DPY19L1: variants seen among roughly 807,000 people sequenced by gnomAD.
DPY19L1 encodes the protein dpy-19 like C-mannosyltransferase 1, also known as protein C-mannosyl-transferase DPY19L1.
Under a neutral mutation model 96.9 loss-of-function variants are expected in DPY19L1, and 35 were observed. The observed-to-expected ratio is 0.36, with a 90% CI of 0.28 to 0.48. The LOEUF (loss-of-function observed/expected upper bound fraction) is 0.48, where lower values mean the gene tolerates loss of function less well. Among genes scored for constraint, DPY19L1 ranks in the 20% least tolerant of loss-of-function variants. DPY19L1 has a pLI of 0.99. For synonymous variants in DPY19L1, 205 were observed against 252.6 expected (o/e 0.81, Z 1.79); for missense variants, 521 against 777.9 (o/e 0.67, Z 3.93).
chr7:35,004,059 C>G (rs879338065), intron 6 of DPY19L1, among the ~76,000 whole-genome samples: 1 of 152,212 alleles, frequency 6.6e-6, no homozygotes, highest in African/African-American at 2.4e-5. Flanking sequence ...GAACCATAAA[C>G]TACAGGAGCC....
At chr7:34,974,904 C>T (rs1230658632) in intron 7 of DPY19L1, among the ~76,000 whole-genome samples, 1 of 152,110 alleles carries the variant, frequency 6.6e-6, no homozygotes, top group Non-Finnish European at 1.5e-5. Context: ...CTACGGTGAT[C>T]TGTGATCAGT....
intron 5 of DPY19L1, 93 bp from the exon 6 acceptor site, chr7:35,010,654 A>T (rs1342250074): frequency 2.4e-5 from 21 of 876,988 alleles, no homozygotes; most frequent in Non-Finnish European, 3.4e-5. Flanking sequence ...TCATTTTGAA[A>T]ATGGTTGCCA....
intron 6 of DPY19L1, among the ~76,000 whole-genome samples, chr7:34,991,001 A>G (rs1785154614): frequency 6.6e-6 from 1 of 152,214 alleles, no homozygotes; most frequent in Admixed American, 6.5e-5. Flanking sequence ...CCATGTAGGG[A>G]GTATCCAGAA....
At chr7:35,022,138 G>A (rs1431594428) in intron 1 of DPY19L1, among the ~76,000 whole-genome samples, 1 of 152,026 alleles carries the variant, frequency 6.6e-6, no homozygotes, top group African/African-American at 2.4e-5. Context: ...TTATTCCAGT[G>A]TTTATCGACG....
At chr7:34,973,837 G>A (rs328890) in intron 7 of DPY19L1, among the ~76,000 whole-genome samples, 71,180 of 151,836 alleles carry the variant, frequency 0.47, 17,170 homozygotes, top group Admixed American at 0.61. Flanking sequence ...TGAATTGTCA[G>A]GAAGAAAATA....
intron 20 of DPY19L1, chr7:34,938,939 A>G (rs1043545963): frequency 2.2e-5 from 4 of 181,112 alleles, no homozygotes; most frequent in African/African-American, 9.4e-5. Context: ...GAAAACCTTA[A>G]TAAACACTCT....
rs1063285 is a variant in DPY19L1, at chr7:34,940,283, C to A, written c.1734G>T (p.Val578=). The change falls in exon 19 of 22, where the codon GTG becomes GTT. Residue 578 remains valine, a synonymous_variant. Coordinates refer to ENST00000638088, the MANE Select transcript of DPY19L1 (RefSeq NM_001366673.1). Reference sequence around the variant, plus strand: ...TTGACATTGCTGCTAATATAGCAAACACAATAGCACCAGGATGTACTTTGC... The same window carrying A: ...TTGACATTGCTGCTAATATAGCAAAAACAATAGCACCAGGATGTACTTTGC... ...LFCKVHPGAI[V]FAILAAMSIQ... The A allele has an allele frequency of 6.2e-7, 1 of 1,611,080 alleles. No individual in the cohort carries two copies. The highest frequency in any genetic ancestry group is 8.5e-7 in the Non-Finnish European group (1 of 1,179,606).
Position 35,011,426 on chromosome 7 carries a change from T to G in DPY19L1, c.574A>C (p.Ile192Leu). ...ATCAAGTCCATTATTTTGGTATAAA[T>G]CCGGTACCAACTGGCCAAAATTACC... ...PEVILASWYR[I>L]YTKIMDLIGI... The change falls in exon 5 of 22, where the codon ATT becomes CTT. Residue 192 changes from isoleucine (I) to leucine (L), a missense_variant. Physicochemically the swap from Ile to Leu is conservative, Grantham distance 5. Transcript: ENST00000638088. 2 of 1,610,898 alleles carry G rather than the reference T, an allele frequency of 1.2e-6. No homozygotes were observed. The highest frequency in any genetic ancestry group is 2.2e-5 in the South Asian group (2 of 90,288).
At chr7:35,036,788 C>T (rs1374912686) in intron 1 of DPY19L1, among the ~76,000 whole-genome samples, 1 of 151,998 alleles carries the variant, frequency 6.6e-6, no homozygotes, top group Admixed American at 6.5e-5. Context: ...GCTCAAGTCT[C>T]GTTAGCGCAG....
At chr7:35,023,652 C>G (rs1470773293) in intron 1 of DPY19L1, among the ~76,000 whole-genome samples, 1 of 152,074 alleles carries the variant, frequency 6.6e-6, no homozygotes, top group African/African-American at 2.4e-5. Context: ...TTCTAAGAGG[C>G]TATTCCCTCC....
chr7:35,006,894 T>C (rs548328549), intron 6 of DPY19L1, among the ~76,000 whole-genome samples: 2 of 152,338 alleles, frequency 1.3e-5, no homozygotes, highest in Non-Finnish European at 2.9e-5. Context: ...TCACAGTCAA[T>C]CTGCCTGCAA....
Position 34,972,953 on chromosome 7 carries a change from A to G in DPY19L1, c.914+561T>C, listed in dbSNP as rs1784754081. On this transcript the variant is annotated intron_variant, in intron 8 of 21. Coordinates refer to ENST00000638088, the MANE Select transcript of DPY19L1 (RefSeq NM_001366673.1). ...AGGGTTTGGCATAACAGCCTTCAAC[A>G]AAGTTCTTCTGAATTCGGAGGATCA... 2.6e-5 allele frequency among the ~76,000 whole-genome samples: 4 copies of G among 152,340 alleles called. No homozygotes were observed. In the South Asian group the frequency reaches 8.3e-4, roughly 32 times the overall value.
intron 7 of DPY19L1, among the ~76,000 whole-genome samples, chr7:34,985,189 C>T (rs533928104): frequency 4.8e-4 from 73 of 152,188 alleles, no homozygotes; most frequent in Middle Eastern, 3.4e-3. Context: ...CTAAGAATTT[C>T]GTATTTGGAG....
At chr7:35,019,993 T>C (rs117420715) in intron 1 of DPY19L1, among the ~76,000 whole-genome samples, 2,419 of 152,120 alleles carry the variant, frequency 0.016, 30 homozygotes, top group Non-Finnish European at 0.024. Context: ...ATCAGGTCTT[T>C]ACAAAGCACG....
At chr7:34,945,301 G>A (rs1244799529) in intron 16 of DPY19L1, among the ~76,000 whole-genome samples, 1 of 152,074 alleles carries the variant, frequency 6.6e-6, no homozygotes, top group Non-Finnish European at 1.5e-5. Flanking sequence ...AAAAAGTGAG[G>A]TATGAATCCA....
intron 11 of DPY19L1, among the ~76,000 whole-genome samples, chr7:34,956,224 T>A (rs1784375611): frequency 6.6e-6 from 1 of 152,232 alleles, no homozygotes; most frequent in Non-Finnish European, 1.5e-5. Flanking sequence ...TCCCTGTCCA[T>A]AGTACCAAGA....
At chr7:35,029,800 C>G (rs535381022) in intron 1 of DPY19L1, among the ~76,000 whole-genome samples, 1 of 152,318 alleles carries the variant, frequency 6.6e-6, no homozygotes, top group Admixed American at 6.5e-5. Context: ...TCATGGGACA[C>G]ATGAGGTCAA....
intron 7 of DPY19L1, among the ~76,000 whole-genome samples, chr7:34,976,950 A>AT (rs376435654): frequency 0.012 from 1,795 of 150,112 alleles, 27 homozygotes; most frequent in African/African-American, 0.04. Flanking sequence ...CACCCAGCTA[A>AT]TTTTTTTTTT....
At chr7:34,966,582 T>TGA (rs1390256381) in intron 10 of DPY19L1, among the ~76,000 whole-genome samples, 2 of 152,204 alleles carry the variant, frequency 1.3e-5, no homozygotes, top group Non-Finnish European at 2.9e-5. Context: ...TGAGCCACCA[T>TGA]GTCGGGCCCT....
Sources: gnomAD v4.1 joint callset for allele counts (sites outside exome capture counted in the v4.1 genomes callset) on GRCh38, gnomAD v4.1.1 for gene constraint, MANE v1.5 for transcripts, NCBI Gene and HGNC (gene_info 2026-07-23, HGNC 2026-07-21) for gene names.